SYT1: variants seen among roughly 807,000 people sequenced by gnomAD.
SYT1 encodes synaptotagmin-1.
Under a neutral mutation model 44.8 loss-of-function variants are expected in SYT1, and 8 were observed. The ratio of observed to expected loss-of-function variants is 0.18; its 90% confidence interval spans 0.10 to 0.32. The LOEUF is 0.32. Ranked by LOEUF, SYT1 falls within the 10% of genes least tolerant of loss-of-function variation. The pLI is 1.00. For synonymous variants in SYT1, 154 were observed against 188.8 expected, an observed-to-expected ratio of 0.82 and a Z score of 1.51; for missense variants, 286 against 509.3, an observed-to-expected ratio of 0.56 and a Z score of 4.22.
intron 1 of SYT1, among the ~76,000 whole-genome samples, chr12:78,967,901 G>A (rs1257919840): frequency 6.6e-6 from 1 of 152,146 alleles, no homozygotes; most frequent in Non-Finnish European, 1.5e-5. Flanking sequence ...GCATTGACAC[G>A]GAACCAAAAT....
chr12:79,295,095 G>A (rs755519472), intron 6 of SYT1, among the ~76,000 whole-genome samples: 10 of 151,964 alleles, frequency 6.6e-5, no homozygotes, highest in Non-Finnish European at 1.3e-4. Flanking sequence ...GATTTTTCAG[G>A]CTGAGATGTA....
chr12:79,065,006 C>T (rs546335600), intron 3 of SYT1, among the ~76,000 whole-genome samples: 2 of 144,608 alleles, frequency 1.4e-5, no homozygotes, highest in Admixed American at 6.8e-5. Context: ...GAAAAGGAAA[C>T]CTTTCCTTCT....
In SYT1 at chr12:78,935,233, C is replaced by T. The variant is rs567577530; in HGVS notation, c.-216-42566C>T. 1.2e-4 allele frequency among the ~76,000 whole-genome samples: 19 copies of T among 152,234 alleles called. No homozygotes were observed. In the South Asian group the frequency reaches 3.1e-3, roughly 25 times the overall value. On this transcript the variant is annotated intron_variant, in intron 1 of 10. Coordinates refer to ENST00000261205, the MANE Select transcript of SYT1 (RefSeq NM_005639.3). ...CCTCGGTAGCACTGATTGCATTTTCCATGAAGGTTGCTCTTAACTTCAAAG... is the reference window on the plus strand; with the variant it reads ...CCTCGGTAGCACTGATTGCATTTTCTATGAAGGTTGCTCTTAACTTCAAAG...
At chr12:79,255,002 G>T (rs1394667333) in intron 4 of SYT1, among the ~76,000 whole-genome samples, 2 of 152,190 alleles carry the variant, frequency 1.3e-5, no homozygotes, top group Non-Finnish European at 2.9e-5. Context: ...GACAACAAAG[G>T]ATTTGGATTA....
chr12:79,316,552 G>T (rs552473871), intron 8 of SYT1, among the ~76,000 whole-genome samples: 2 of 152,226 alleles, frequency 1.3e-5, no homozygotes, highest in African/African-American at 2.4e-5. Flanking sequence ...CAGGACCCCA[G>T]GTAATAGTCT....
intron 10 of SYT1, among the ~76,000 whole-genome samples, chr12:79,448,181 G>A (rs1870840455): frequency 6.6e-6 from 1 of 152,070 alleles, no homozygotes; most frequent in Admixed American, 6.6e-5. Flanking sequence ...AAATCTGATG[G>A]AATCATTGAA....
intron 3 of SYT1, among the ~76,000 whole-genome samples, chr12:79,144,253 G>A (rs1050353114): frequency 1.3e-5 from 2 of 152,190 alleles, no homozygotes; most frequent in African/African-American, 4.8e-5. Context: ...GACAGGAAAA[G>A]CAGAGTCAAT....
chr12:78,907,082 C>T (rs1876030531), intron 1 of SYT1, among the ~76,000 whole-genome samples: 2 of 151,964 alleles, frequency 1.3e-5, no homozygotes, highest in South Asian at 2.1e-4. Flanking sequence ...TGAGGTCCTC[C>T]TCTTGTTTGG....
chr12:78,998,226 G>A (rs1870504466), intron 2 of SYT1, among the ~76,000 whole-genome samples: 1 of 152,150 alleles, frequency 6.6e-6, no homozygotes, highest in Non-Finnish European at 1.5e-5. Context: ...TTGAAATTAT[G>A]ACCAAGCATG....
At chr12:79,093,636 C>A (rs1877926939) in intron 3 of SYT1, among the ~76,000 whole-genome samples, 1 of 151,634 alleles carries the variant, frequency 6.6e-6, no homozygotes, top group African/African-American at 2.4e-5. Context: ...TTACCCAACT[C>A]TCTTGAACTG....
chr12:79,428,594 T>C (rs759793616), intron 9 of SYT1, among the ~76,000 whole-genome samples: 5 of 152,098 alleles, frequency 3.3e-5, no homozygotes, highest in Non-Finnish European at 5.9e-5. Flanking sequence ...CAATGCACGT[T>C]GTAGCTTAGT....
chr12:78,874,179 A>G (rs1873952234), intron 1 of SYT1, among the ~76,000 whole-genome samples: 1 of 151,586 alleles, frequency 6.6e-6, no homozygotes, highest in Non-Finnish European at 1.5e-5. Flanking sequence ...TAAGTGAGAA[A>G]GTAGTGGAAA....
At chr12:79,363,753 T>G (rs1883422290) in intron 9 of SYT1, among the ~76,000 whole-genome samples, 1 of 151,758 alleles carries the variant, frequency 6.6e-6, no homozygotes, top group South Asian at 2.1e-4. Context: ...AAAAAAATTG[T>G]ACTTTATTAT....
chr12:79,048,214 C>T (rs748145324), intron 3 of SYT1, among the ~76,000 whole-genome samples: 22 of 151,752 alleles, frequency 1.4e-4, no homozygotes, highest in East Asian at 9.6e-4. Context: ...CAAAATGAAA[C>T]ATCTATATCT....
rs1871080430 is a variant in SYT1, at chr12:79,451,910, A to G, written c.*2786A>G. On this transcript the variant is annotated 3_prime_UTR_variant, in exon 11 of 11. Coordinates refer to ENST00000261205, the MANE Select transcript of SYT1 (RefSeq NM_005639.3). Reference sequence around the variant, plus strand: ...GATGAGGTGATTTAAATTTTGTTTCACTTTGTGTAGTGAATTCCACAGTAG... The same window carrying G: ...GATGAGGTGATTTAAATTTTGTTTCGCTTTGTGTAGTGAATTCCACAGTAG... 1 of 152,126 alleles carries G rather than the reference A, an allele frequency of 6.6e-6. No individual in the cohort carries two copies. Among genetic ancestry groups the G allele is most frequent in the Non-Finnish European group, 1.5e-5 (1 of 68,024 alleles). 9.4% of individuals were successfully genotyped at this position (152,126 alleles called of 1,614,324 possible).
intron 1 of SYT1, among the ~76,000 whole-genome samples, chr12:78,873,037 T>C (rs1257915783): frequency 6.6e-6 from 1 of 151,740 alleles, no homozygotes; most frequent in Non-Finnish European, 1.5e-5. Context: ...ATTGCAATGG[T>C]AACAAGTTAC....
intron 1 of SYT1, among the ~76,000 whole-genome samples, chr12:78,963,756 C>G (rs1156550618): frequency 1.3e-5 from 2 of 152,016 alleles, no homozygotes; most frequent in Non-Finnish European, 2.9e-5. Context: ...GCTAAAAAAG[C>G]AAGAGGAGGC....
intron 8 of SYT1, among the ~76,000 whole-genome samples, chr12:79,301,334 CA>C (rs1187671444): frequency 6.6e-6 from 1 of 152,034 alleles, no homozygotes; most frequent in Non-Finnish European, 1.5e-5. Flanking sequence ...AAAAATTGTG[CA>C]ATGTTTTTTT....
chr12:79,058,948 T>A (rs1346556911), intron 3 of SYT1, among the ~76,000 whole-genome samples: 1 of 152,062 alleles, frequency 6.6e-6, no homozygotes, highest in Non-Finnish European at 1.5e-5. Context: ...TAATGAGGTA[T>A]GTATTAGTCT....
Sources: allele counts gnomAD v4.1 joint callset (sites outside exome capture counted in the v4.1 genomes callset), GRCh38; gene constraint gnomAD v4.1.1; transcripts MANE v1.5; gene names NCBI Gene and HGNC (gene_info 2026-07-23, HGNC 2026-07-21).